RNF212: variants seen among roughly 807,000 people sequenced by gnomAD.
RNF212 encodes the protein probable E3 SUMO-protein ligase RNF212.
RNF212 carries 33 observed loss-of-function variants against 34.7 expected under a neutral mutation model. That is an observed-to-expected ratio of 0.95 (90% CI 0.72 to 1.27). The LOEUF (loss-of-function observed/expected upper bound fraction) is 1.27. Among genes scored for constraint, RNF212 ranks in the 50% most tolerant of loss-of-function variants. RNF212 has a pLI of 0.00. For synonymous variants in RNF212, 140 were observed against 136.1 expected, an observed-to-expected ratio of 1.03 and a Z score of -0.20; for missense variants, 377 against 362.2, an observed-to-expected ratio of 1.04 and a Z score of -0.33.
chr4:1,110,645 G>A (rs1725514675), intron 1 of RNF212, among the ~76,000 whole-genome samples: 2 of 152,122 alleles, frequency 1.3e-5, no homozygotes. Flanking sequence ...ATTACTGAAT[G>A]GTAGACACAC....
At chr4:1,106,745 G>C (rs1040975476) in intron 2 of RNF212, among the ~76,000 whole-genome samples, 1 of 152,240 alleles carries the variant, frequency 6.6e-6, no homozygotes, top group Non-Finnish European at 1.5e-5. Context: ...GGTACCGTGC[G>C]AGGAGCAGAA....
intron 4 of RNF212, chr4:1,057,146 C>G (rs543774187): frequency 8.2e-6 from 2 of 243,774 alleles, no homozygotes; most frequent in Admixed American, 1.3e-4. Flanking sequence ...CGCACACCCC[C>G]GCCCGGCGGC....
At chr4:1,089,441 TG>T (rs1317368246) in intron 4 of RNF212, among the ~76,000 whole-genome samples, 2 of 152,244 alleles carry the variant, frequency 1.3e-5, no homozygotes, top group African/African-American at 4.8e-5. Flanking sequence ...AACTTGTTTT[TG>T]ATTCTACAGG....
chr4:1,071,212 G>A (rs111509271), downstream of RNF212, among the ~76,000 whole-genome samples: 6 of 147,474 alleles, frequency 4.1e-5, no homozygotes, highest in Non-Finnish European at 7.4e-5. Flanking sequence ...TTTAAATACT[G>A]TTCTTACAAT....
At chr4:1,079,396 C>T (rs1001249591) in intron 8 of RNF212, among the ~76,000 whole-genome samples, 4 of 152,364 alleles carry the variant, frequency 2.6e-5, no homozygotes, top group African/African-American at 4.8e-5. Flanking sequence ...ACACCTCGTC[C>T]GCATTTGCTT....
intron 8 of RNF212, among the ~76,000 whole-genome samples, chr4:1,078,867 C>G (rs1719790214): frequency 6.7e-6 from 1 of 150,168 alleles, no homozygotes; most frequent in African/African-American, 2.5e-5. Context: ...AGGACCAACA[C>G]AGGGTCAACA....
intron 1 of RNF212, among the ~76,000 whole-genome samples, chr4:1,110,335 G>A (rs570459939): frequency 6.6e-6 from 1 of 152,298 alleles, no homozygotes; most frequent in South Asian, 2.1e-4. Flanking sequence ...CCAAAGAGGA[G>A]AAAACAACAG....
intron 2 of RNF212, among the ~76,000 whole-genome samples, chr4:1,106,320 G>A (rs1474024418): frequency 6.8e-6 from 1 of 146,782 alleles, no homozygotes; most frequent in Non-Finnish European, 1.5e-5. Context: ...AAGAACACAC[G>A]CCTTTTTAAA....
chr4:1,083,261 G>A (rs1018851728), intron 5 of RNF212, among the ~76,000 whole-genome samples: 2 of 152,336 alleles, frequency 1.3e-5, no homozygotes, highest in Admixed American at 6.5e-5. Flanking sequence ...CATAAAAGAC[G>A]AAGATGCAAC....
rs143956184 is a variant in RNF212 at position 1,109,852 on chromosome 4, C to T, written c.110-1448G>A. ...GTGTATCCATACTCGCCTCAGTGTC[C>T]GCAGCTCCCAGCACACAGAATGGTG... On this transcript the variant is annotated intron_variant, in intron 1 of 9. Coordinates refer to ENST00000433731, the MANE Select transcript of RNF212 (RefSeq NM_001131034.4). Among the ~76,000 whole-genome samples the T allele has an allele frequency of 8.9e-3, 1,360 of 152,274 alleles. 11 individuals are homozygous for T. Among genetic ancestry groups the T allele is most frequent in the Non-Finnish European group, 0.015 (1,011 of 68,020 alleles).
intron 5 of RNF212, among the ~76,000 whole-genome samples, chr4:1,083,464 G>A (rs777605751): frequency 6.6e-5 from 10 of 152,100 alleles, no homozygotes; most frequent in Non-Finnish European, 1.3e-4. Flanking sequence ...TCAACATGGT[G>A]AAGCCCCGTC....
At position 1,072,924 on chromosome 4, in the gene RNF212, C is replaced by A; in HGVS notation, c.844G>T (p.Val282Leu). The change falls in exon 10 of 10, where the codon GTG becomes TTG. Residue 282 changes from valine to leucine, a missense_variant. Transcript: ENST00000433731. ...TGGCAAAGAGGAAACACAACAGACA[C>A]AGCGGGTGTTCTGAACGTGTCCAGG... Reference protein sequence around the residue: ...GTLDTFRTPAVSVVFPLCQFE... With the variant: ...GTLDTFRTPALSVVFPLCQFE... 2 of 1,613,810 alleles carry A rather than the reference C, an allele frequency of 1.2e-6. No individual in the cohort carries two copies. The highest frequency in any genetic ancestry group is 1.7e-6 in the Non-Finnish European group (2 of 1,179,748).
intron 2 of RNF212, among the ~76,000 whole-genome samples, chr4:1,105,800 G>A (rs963511936): frequency 2.6e-5 from 4 of 152,240 alleles, no homozygotes; most frequent in Admixed American, 6.5e-5. Flanking sequence ...TGTTGGTGAT[G>A]TCTCCTCACA....
chr4:1,079,436 G>C (rs2153041783), intron 8 of RNF212, among the ~76,000 whole-genome samples: 1 of 152,366 alleles, frequency 6.6e-6, no homozygotes, highest in South Asian at 2.1e-4. Context: ...TGCAGTCCTG[G>C]CCATTCAGGC....
intron 5 of RNF212, among the ~76,000 whole-genome samples, chr4:1,082,741 C>T (rs1000195178): frequency 3.9e-5 from 6 of 152,338 alleles, no homozygotes; most frequent in Admixed American, 2.0e-4. Flanking sequence ...GTTTGGCTTA[C>T]TCCGAATTGC....
intron 2 of RNF212, among the ~76,000 whole-genome samples, chr4:1,099,485 G>C (rs1236702102): frequency 3.3e-5 from 5 of 152,168 alleles, no homozygotes; most frequent in African/African-American, 1.2e-4. Flanking sequence ...GTGAGAGCCA[G>C]TGTGGCTCCA....
intron 5 of RNF212, among the ~76,000 whole-genome samples, chr4:1,085,160 G>A (rs1340082370): frequency 6.6e-6 from 1 of 152,230 alleles, no homozygotes; most frequent in Non-Finnish European, 1.5e-5. Flanking sequence ...ACTATTCAAC[G>A]CGTCTCGTAG....
rs79435154 is a variant in RNF212, at chr4:1,074,989, C to T, written c.511-1327G>A. Among the ~76,000 whole-genome samples the T allele has an allele frequency of 8.9e-3, 1,358 of 152,338 alleles. 18 individuals carry two copies. The highest frequency in any genetic ancestry group is 0.03 in the African/African-American group (1,261 of 41,572). On this transcript the variant is annotated intron_variant, in intron 8 of 9. Coordinates refer to ENST00000433731, the MANE Select transcript of RNF212 (RefSeq NM_001131034.4). ...TTGACATCACCGTCCCTTCGAACTA[C>T]ATTCCATTTGCTGCTCCATTTAGAG... is the stretch of plus-strand genomic sequence containing the variant.
At chr4:1,106,860 A>G (rs1276197785) in intron 2 of RNF212, among the ~76,000 whole-genome samples, 2 of 152,194 alleles carry the variant, frequency 1.3e-5, no homozygotes, top group Non-Finnish European at 2.9e-5. Context: ...CTTTTTCATT[A>G]CTTCAGGAAT....
Sources: allele counts gnomAD v4.1 joint callset (sites outside exome capture counted in the v4.1 genomes callset), GRCh38; gene constraint gnomAD v4.1.1; transcripts MANE v1.5; gene names NCBI Gene and HGNC (gene_info 2026-07-23, HGNC 2026-07-21).